The following PRKCZ variants were observed in gnomAD, a reference collection of about 807,000 sequenced individuals.
PRKCZ encodes protein kinase C zeta.
A neutral mutation model predicts 79.5 loss-of-function variants in PRKCZ; 33 were observed. That is an observed-to-expected ratio of 0.41 (90% CI 0.31 to 0.55). PRKCZ has a LOEUF of 0.55. PRKCZ is among the 20% of genes least tolerant of loss of function. The probability of loss-of-function intolerance (pLI) is 0.19; values close to 1 mark genes in which losing one functional copy is unlikely to be tolerated. For synonymous variants in PRKCZ, 342 were observed against 320.9 expected, an observed-to-expected ratio of 1.07 and a Z score of -0.70; for missense variants, 578 against 813.5, an observed-to-expected ratio of 0.71 and a Z score of 3.52.
At chr1:2,070,673 C>T (rs1661491282) in intron 4 of PRKCZ, among the ~76,000 whole-genome samples, 1 of 151,236 alleles carries the variant, frequency 6.6e-6, no homozygotes, top group South Asian at 2.1e-4. Context: ...GGGCTGCAGC[C>T]ATGTGGGTGG....
chr1:2,057,746 C>G (rs1660309740), intron 3 of PRKCZ, among the ~76,000 whole-genome samples: 1 of 152,148 alleles, frequency 6.6e-6, no homozygotes, highest in South Asian at 2.1e-4. Flanking sequence ...GGCTCTGTCC[C>G]CAGGCTGGAG....
intron 16 of PRKCZ, among the ~76,000 whole-genome samples, chr1:2,183,342 C>T (rs1182416312): frequency 1.3e-5 from 2 of 151,944 alleles, no homozygotes; most frequent in Non-Finnish European, 2.9e-5. Context: ...TGCAGTGAGC[C>T]GAGATCGCGC....
At chr1:2,179,671 T>C (rs1198535472) in intron 16 of PRKCZ, among the ~76,000 whole-genome samples, 1 of 152,172 alleles carries the variant, frequency 6.6e-6, no homozygotes, top group Non-Finnish European at 1.5e-5. Context: ...TTGAGAGTCA[T>C]TTGCTGCCCA....
At chr1:2,069,357 G>T (rs1661380824) in intron 4 of PRKCZ, among the ~76,000 whole-genome samples, 1 of 152,188 alleles carries the variant, frequency 6.6e-6, no homozygotes, top group South Asian at 2.1e-4. Flanking sequence ...CTGGCAGGGA[G>T]GGTCCTGGGC....
chr1:2,184,770 G>A, intron 17 of PRKCZ, 72 bp downstream of exon 17: 1 of 1,482,114 alleles, frequency 6.7e-7, no homozygotes, highest in East Asian at 2.4e-5. Context: ...ACCTTGGGCA[G>A]CTGGTGACCC....
At chr1:2,081,038 G>A (rs1663407359) in intron 4 of PRKCZ, among the ~76,000 whole-genome samples, 1 of 152,210 alleles carries the variant, frequency 6.6e-6, no homozygotes, top group African/African-American at 2.4e-5. Context: ...TGGCCGCGGT[G>A]TGTTTGTCGG....
chr1:2,178,054 C>T lies in PRKCZ; in HGVS notation c.1575+2741C>T, dbSNP rs188755199. ...AGCAGGGTTGGTGTGGGGTCACCAC[C>T]ACCCCCATGTGACCTTGGCAGAAGG... On this transcript the variant is annotated intron_variant, in intron 16 of 17. Transcript: ENST00000378567. This position sits in a 1 kb window ranked among gnomAD's most constrained non-coding sequence, Gnocchi z 4.3. Among the ~76,000 whole-genome samples the T allele has an allele frequency of 8.5e-5, 13 of 152,328 alleles. No individual in the cohort carries two copies. The East Asian group carries it at 2.1e-3, about 25-fold the overall frequency.
rs1659545398 is a variant in PRKCZ, at chr1:2,050,564, G to GC, written c.-62dup. On this transcript the variant is annotated 5_prime_UTR_variant, in exon 1 of 18. Coordinates refer to ENST00000378567, the MANE Select transcript of PRKCZ (RefSeq NM_002744.6). ...GCGTTCCGCCGCGGCCCCACCTGGA[G>GC]CCCCCGCCCCGCGCCATGGCCGGAG... The GC allele has an allele frequency of 1.9e-6, 2 of 1,053,764 alleles. No individual in the cohort carries two copies. Among genetic ancestry groups the GC allele is most frequent in the East Asian group, 3.4e-5 (1 of 29,004 alleles). 65.3% of individuals were successfully genotyped at this position (1,053,764 alleles called of 1,614,324 possible).
intron 10 of PRKCZ, among the ~76,000 whole-genome samples, chr1:2,160,144 G>C (rs544743349): frequency 4.6e-5 from 7 of 152,250 alleles, no homozygotes; most frequent in Admixed American, 4.6e-4. Context: ...CTGTGGAAGC[G>C]CTTCTCAGGC....
chr1:2,091,039 TTG>T (rs1418693105), intron 4 of PRKCZ, among the ~76,000 whole-genome samples: 1 of 152,200 alleles, frequency 6.6e-6, no homozygotes, highest in Admixed American at 6.5e-5. Context: ...TAGTTCTTGT[TTG>T]TTTTTTTGAG....
At chr1:2,151,207 C>G (rs1679838461) in intron 9 of PRKCZ, among the ~76,000 whole-genome samples, 1 of 152,254 alleles carries the variant, frequency 6.6e-6, no homozygotes, top group South Asian at 2.1e-4. Flanking sequence ...TCCACAAACC[C>G]AAACAGCACA....
chr1:2,184,435 G>A (rs966716295), intron 16 of PRKCZ, 148 bp from the exon 17 acceptor site: 1 of 611,298 alleles, frequency 1.6e-6, no homozygotes, highest in Admixed American at 3.2e-5. Flanking sequence ...TGTGTTGTAA[G>A]AAAAAACACT....
At chr1:2,170,074 C>T (rs1340858967) in intron 11 of PRKCZ, among the ~76,000 whole-genome samples, 1 of 152,146 alleles carries the variant, frequency 6.6e-6, no homozygotes, top group African/African-American at 2.4e-5. Context: ...ATTGTGCTGT[C>T]TTCATGGTGG....
In PRKCZ at chr1:2,155,925, T is replaced by TCCCCCTTGCCC. The variant is rs1308136716; in HGVS notation, c.877-69_877-59dup. 9.1e-5 allele frequency: 123 copies of TCCCCCTTGCCC among 1,354,948 alleles called. No individual in the cohort carries two copies. The Admixed American group carries it at 1.0e-3, about 12-fold the overall frequency. The allele number at this position is 1,354,948 out of a possible 1,614,324, so 83.9% of individuals were successfully genotyped here. ...GGAGGAAAGAGACTCCTCCCTTGCC[T>TCCCCCTTGCCC]CCCCCTTGCCCAGGATGCCTGTGAG... On this transcript the variant is annotated intron_variant, in intron 9 of 17. Transcript: ENST00000378567.
intron 4 of PRKCZ, among the ~76,000 whole-genome samples, chr1:2,102,542 CG>C (rs1557562557): frequency 6.6e-6 from 1 of 151,658 alleles, no homozygotes; most frequent in East Asian, 1.9e-4. Flanking sequence ...CTGTGTTAGC[CG>C]GGATGGTCTC....
chr1:2,092,026 C>T (rs1201090047), intron 4 of PRKCZ, among the ~76,000 whole-genome samples: 1 of 150,980 alleles, frequency 6.6e-6, no homozygotes, highest in African/African-American at 2.4e-5. Flanking sequence ...ATGGCCGTGT[C>T]CCCAGGAGCC....
At chr1:2,059,666 G>A in intron 4 of PRKCZ, 75 bp downstream of exon 4, 17 of 1,589,506 alleles carry the variant, frequency 1.1e-5, no homozygotes, top group Non-Finnish European at 1.5e-5. Context: ...CCACGGAGGT[G>A]GCAGTGGTGC....
chr1:2,122,859 T>G (rs371434873), intron 4 of PRKCZ, among the ~76,000 whole-genome samples: 1 of 2,052 alleles, frequency 4.9e-4, no homozygotes. Context: ...TGGTTAGGGT[T>G]GTGGTGGTTA....
intron 9 of PRKCZ, among the ~76,000 whole-genome samples, chr1:2,154,400 C>G (rs1680528002): frequency 6.6e-6 from 1 of 152,146 alleles, no homozygotes; most frequent in African/African-American, 2.4e-5. Flanking sequence ...GGCCGAGGAC[C>G]AAGCCTCGAG....
Sources: gnomAD v4.1 joint callset for allele counts (sites outside exome capture counted in the v4.1 genomes callset) on GRCh38, gnomAD v4.1.1 for gene constraint, Gnocchi (gnomAD v3.1) non-coding constraint, MANE v1.5 for transcripts, NCBI Gene and HGNC (gene_info 2026-07-23, HGNC 2026-07-21) for gene names.